The following CDON variants were observed in gnomAD, a reference collection of about 807,000 sequenced individuals.
CDON encodes cell adhesion associated, oncogene regulated.
A neutral mutation model predicts 120.9 loss-of-function variants in CDON; 73 were observed. The observed-to-expected ratio is 0.60, with a 90% CI of 0.50 to 0.73. CDON has a LOEUF of 0.73. Ranked by LOEUF, CDON falls within the 30% of genes least tolerant of loss-of-function variation. The probability of loss-of-function intolerance (pLI) is 0.00; values close to 1 mark genes in which losing one functional copy is unlikely to be tolerated. For missense variants in CDON, 1,470 were observed against 1,587.3 expected (o/e 0.93, Z 1.26); for synonymous variants, 566 against 573.5 (o/e 0.99, Z 0.19).
intron 12 of CDON, among the ~76,000 whole-genome samples, chr11:125,995,523 C>T (rs1363235641): frequency 6.6e-6 from 1 of 152,082 alleles, no homozygotes; most frequent in Non-Finnish European, 1.5e-5. Flanking sequence ...TGTGGGCGGC[C>T]GCAGATGTCA....
chr11:126,025,526 T>TGA (rs542675050), intron 1 of CDON, among the ~76,000 whole-genome samples: 2 of 85,562 alleles, frequency 2.3e-5, no homozygotes, highest in African/African-American at 4.6e-5. Flanking sequence ...GGTTTGTTTG[T>TGA]GGGGGGTGTG....
At chr11:125,989,273 C>G (rs1229283435) in intron 15 of CDON, among the ~76,000 whole-genome samples, 1 of 152,200 alleles carries the variant, frequency 6.6e-6, no homozygotes, top group African/African-American at 2.4e-5. Context: ...CGGTGGCTCA[C>G]GCCTGTAATC....
In CDON at chr11:125,997,225, C is replaced by G; in HGVS notation, c.2344G>C (p.Val782Leu). Residue 782 changes from valine (V) to leucine (L), a missense_variant, in exon 12 of 20, where the codon GTT becomes CTT. Physicochemically the swap from Val to Leu is conservative, Grantham distance 32. Transcript: ENST00000531738. ...DIPPSKLSVE[V>L]RSLEPGSTYK... ...TTACTACCTGGTTCTAAACTACGAA[C>G]TTCCACTGAAAGTTTGGAAGGAGGG... 6.2e-7 allele frequency: 1 copy of G among 1,613,534 alleles called. No homozygotes were observed. The highest frequency in any genetic ancestry group is 8.5e-7 in the Non-Finnish European group (1 of 1,179,406).
chr11:126,043,943 C>T (rs1250170163), intron 1 of CDON, among the ~76,000 whole-genome samples: 1 of 152,228 alleles, frequency 6.6e-6, no homozygotes, highest in Admixed American at 6.5e-5. Context: ...AAGTCCGGAA[C>T]ATCAACCAAA....
chr11:125,956,923 G>A lies in CDON; in HGVS notation c.*4019C>T. On this transcript the variant is annotated 3_prime_UTR_variant, in exon 20 of 20. Transcript: ENST00000531738. ...TTTAAGGAAGGCTTATTTAAATATG[G>A]GAAATAAAATACAAAAGGGCCACAC... 1.1e-6 allele frequency: 1 copy of A among 925,680 alleles called. No homozygotes were observed. Among genetic ancestry groups the A allele is most frequent in the African/African-American group, 1.8e-5 (1 of 56,106 alleles). 57.3% of individuals were successfully genotyped at this position (925,680 alleles called of 1,614,324 possible).
At chr11:126,061,272 C>T (rs1948788238) in intron 1 of CDON, among the ~76,000 whole-genome samples, 3 of 152,192 alleles carry the variant, frequency 2.0e-5, no homozygotes, top group African/African-American at 7.2e-5. Context: ...AAGTATGAGG[C>T]AGTTCATTCC....
rs1460967464 is a variant in CDON at position 125,970,180 on chromosome 11, T to TG, written c.3356+8123_3356+8124insC. 5.5e-5 allele frequency among the ~76,000 whole-genome samples: 7 copies of TG among 127,230 alleles called. No homozygotes were observed. In the East Asian group the frequency reaches 9.2e-4, roughly 17 times the overall value. The allele number at this position is 127,230 out of a possible 152,430, so 83.5% of individuals were successfully genotyped here. On this transcript the variant is annotated intron_variant, in intron 18 of 19. Transcript: ENST00000531738. Reference sequence around the variant, plus strand: ...TCTTGGTGGTAGTTTATGTTTTTTTTTTTTTTTTTTTTTGAGACAGAGTCT... The same window carrying TG: ...TCTTGGTGGTAGTTTATGTTTTTTTTGTTTTTTTTTTTTTGAGACAGAGTCT...
At chr11:126,013,971 C>T (rs1373437878) in intron 7 of CDON, among the ~76,000 whole-genome samples, 1 of 152,056 alleles carries the variant, frequency 6.6e-6, no homozygotes, top group Non-Finnish European at 1.5e-5. Flanking sequence ...TTTTCATTAT[C>T]ATCCAGTTCA....
chr11:126,057,593 G>C (rs545575254), intron 1 of CDON, among the ~76,000 whole-genome samples: 16 of 152,150 alleles, frequency 1.1e-4, no homozygotes, highest in Admixed American at 4.6e-4. Flanking sequence ...CCAAGGAAAT[G>C]TTCTATATCT....
At chr11:125,984,506 G>C (rs545409113) in intron 15 of CDON, among the ~76,000 whole-genome samples, 1 of 152,162 alleles carries the variant, frequency 6.6e-6, no homozygotes, top group Non-Finnish European at 1.5e-5. Flanking sequence ...CGAACGGCCT[G>C]AGCAACACAG....
upstream of CDON, chr11:126,062,925 C>G (rs1948841408): frequency 6.6e-6 from 1 of 151,790 alleles, no homozygotes; most frequent in Non-Finnish European, 1.5e-5. Context: ...GCACGTAACT[C>G]GGAGGGTGCT....
intron 16 of CDON, among the ~76,000 whole-genome samples, chr11:125,981,979 T>C (rs947471218): frequency 1.9e-5 from 2 of 104,176 alleles, no homozygotes; most frequent in Non-Finnish European, 3.6e-5. Flanking sequence ...TCTTTTTTTT[T>C]TTTTTTTTTT....
chr11:125,976,253 C>T (rs148693224), intron 18 of CDON, among the ~76,000 whole-genome samples: 2 of 152,256 alleles, frequency 1.3e-5, no homozygotes, highest in Non-Finnish European at 2.9e-5. Flanking sequence ...AAGGTAGGTA[C>T]TTATTGATAC....
rs1441841923 is a variant in CDON at position 126,021,521 on chromosome 11, C to A, written c.77-1G>T. 3 of 1,613,458 alleles carry A rather than the reference C, an allele frequency of 1.9e-6. No individual in the cohort carries two copies. In the South Asian group the frequency reaches 3.3e-5, roughly 18 times the overall value. The stretch of plus-strand genomic sequence containing the variant: ...TCAGAAGTAAAATAAGGTGCCAAGT[C>A]TACAAGGGAATATTCCCCATATGCA... On this transcript the variant is annotated splice_acceptor_variant, in intron 2 of 19. Coordinates refer to ENST00000531738, the MANE Select transcript of CDON (RefSeq NM_001378964.1). LOFTEE classifies it high-confidence loss of function.
chr11:126,021,050 T>C (rs564232939), intron 3 of CDON, among the ~76,000 whole-genome samples, 198 bp downstream of exon 3: 5 of 152,246 alleles, frequency 3.3e-5, no homozygotes, highest in African/African-American at 1.2e-4. Flanking sequence ...ATATCATTGT[T>C]ACTGATGAGG....
At chr11:126,006,471 C>T (rs1277510096) in intron 8 of CDON, among the ~76,000 whole-genome samples, 2 of 152,118 alleles carry the variant, frequency 1.3e-5, no homozygotes, top group Non-Finnish European at 2.9e-5. Flanking sequence ...AGTTCAAGAC[C>T]AGCCTGGGCA....
rs1477734028 is a variant in CDON at position 125,982,207 on chromosome 11, C to T, written c.2996-878G>A. On this transcript the variant is annotated intron_variant, in intron 16 of 19. Transcript: ENST00000531738. ...GCCAGGTTGGTTTCGATCTCCTGACCTCGTGATCCGCCCACCTCGGCTTCC... is the reference window on the plus strand; with the variant it reads ...GCCAGGTTGGTTTCGATCTCCTGACTTCGTGATCCGCCCACCTCGGCTTCC... Among the ~76,000 whole-genome samples, 4 of 151,872 alleles carry T rather than the reference C, an allele frequency of 2.6e-5. No individual in the cohort carries two copies. The South Asian group carries it at 6.2e-4, about 24-fold the overall frequency.
At chr11:126,003,424 TATAGA>T (rs1343515954) in intron 10 of CDON, among the ~76,000 whole-genome samples, 3 of 152,214 alleles carry the variant, frequency 2.0e-5, no homozygotes, top group Non-Finnish European at 2.9e-5. Flanking sequence ...TGGAATATTC[TATAGA>T]ATAGGACAAT....
intron 16 of CDON, among the ~76,000 whole-genome samples, chr11:125,982,840 G>A (rs1946351574): frequency 6.6e-6 from 1 of 152,014 alleles, no homozygotes; most frequent in South Asian, 2.1e-4. Flanking sequence ...AAAATCAAAT[G>A]ATCACCATCC....
Sources: allele counts gnomAD v4.1 joint callset (sites outside exome capture counted in the v4.1 genomes callset), GRCh38; gene constraint gnomAD v4.1.1; transcripts MANE v1.5; gene names NCBI Gene and HGNC (gene_info 2026-07-23, HGNC 2026-07-21).